HOMER2: variants seen among roughly 807,000 people sequenced by gnomAD.
HOMER2 encodes the protein homer protein homolog 2.
Under a neutral mutation model 47.0 loss-of-function variants are expected in HOMER2, and 27 were observed. The ratio of observed to expected loss-of-function variants is 0.57; its 90% CI spans 0.42 to 0.79. HOMER2 has a LOEUF of 0.79. HOMER2 is among the 30% of genes least tolerant of loss of function. The pLI is 0.00. For missense variants in HOMER2, 443 were observed against 435.0 expected, an observed-to-expected ratio of 1.02 and a Z score of -0.16; for synonymous variants, 161 against 163.8, an observed-to-expected ratio of 0.98 and a Z score of 0.13.
At chr15:82,907,017 T>A (rs1186633467) in intron 1 of HOMER2, among the ~76,000 whole-genome samples, 2 of 152,048 alleles carry the variant, frequency 1.3e-5, no homozygotes, top group Non-Finnish European at 2.9e-5. Context: ...AATTAATGAA[T>A]CCACTACTAT....
intron 1 of HOMER2, among the ~76,000 whole-genome samples, chr15:82,942,375 A>G (rs2054283948): frequency 6.6e-6 from 1 of 152,226 alleles, no homozygotes; most frequent in South Asian, 2.1e-4. Flanking sequence ...AAAGGAATTC[A>G]GATCCATACG....
At chr15:82,877,281 T>C (rs1479577579) in intron 2 of HOMER2, among the ~76,000 whole-genome samples, 3 of 152,148 alleles carry the variant, frequency 2.0e-5, no homozygotes, top group African/African-American at 7.2e-5. Flanking sequence ...GCGATTCTCC[T>C]GCCTCAGTCT....
rs753150487 is a variant in HOMER2, at chr15:82,849,894, T to G, written c.853A>C (p.Arg285=). The G allele has an allele frequency of 1.2e-6, 2 of 1,613,600 alleles. No homozygotes were observed. Among genetic ancestry groups the G allele is most frequent in the East Asian group, 2.2e-5 (1 of 44,880 alleles). The change falls in exon 9 of 9, where the codon AGA becomes CGA. Residue 285 remains arginine (R), a synonymous_variant. Coordinates refer to ENST00000450735, the MANE Select transcript of HOMER2 (RefSeq NM_004839.4). ...TTGTCTTCCAGGTTTTGATTGTCTC[T>G]CTCTGCCGCCTGGCCAAGCAAAAGG... ...YVSEKLEAAE[R]DNQNLEDKVR...
upstream of HOMER2, among the ~76,000 whole-genome samples, chr15:82,954,411 C>T (rs1357510458): frequency 6.6e-6 from 1 of 151,660 alleles, no homozygotes; most frequent in Admixed American, 6.6e-5. Context: ...GATTCTACTG[C>T]CTCAGCCTCC....
downstream of HOMER2, among the ~76,000 whole-genome samples, chr15:82,957,901 G>A (rs1363645314): frequency 3.9e-5 from 6 of 152,176 alleles, no homozygotes; most frequent in Non-Finnish European, 5.9e-5. Flanking sequence ...GCAGTGGCGC[G>A]ACCTCCACTC....
At chr15:82,890,550 C>A (rs770219248) in intron 2 of HOMER2, among the ~76,000 whole-genome samples, 3 of 152,180 alleles carry the variant, frequency 2.0e-5, no homozygotes, top group African/African-American at 7.2e-5. Flanking sequence ...TACCCTCCCA[C>A]ACCCATCTGA....
chr15:82,860,942 T>C (rs1211126794), intron 4 of HOMER2, among the ~76,000 whole-genome samples: 16 of 78,926 alleles, frequency 2.0e-4, no homozygotes, highest in South Asian at 1.2e-3. Context: ...GTCTCAAAGA[T>C]AGAAGATAGA....
At chr15:82,895,625 C>A (rs2052884077) in intron 1 of HOMER2, among the ~76,000 whole-genome samples, 1 of 152,194 alleles carries the variant, frequency 6.6e-6, no homozygotes, top group Non-Finnish European at 1.5e-5. Context: ...CAAATTATGC[C>A]TCATTGTCAG....
chr15:82,857,313 C>A (rs1169364454), intron 5 of HOMER2, among the ~76,000 whole-genome samples: 1 of 151,478 alleles, frequency 6.6e-6, no homozygotes, highest in Admixed American at 6.6e-5. Flanking sequence ...TAATCTTGGA[C>A]TTTCTAGCCT....
chr15:82,835,983 C>G (rs1567002694), downstream of HOMER2: 3 of 152,202 alleles, frequency 2.0e-5, no homozygotes, highest in Admixed American at 1.3e-4. Context: ...TTTGAGATAC[C>G]AGCGAGCTTA....
intron 1 of HOMER2, among the ~76,000 whole-genome samples, chr15:82,925,346 C>T (rs2053828574): frequency 6.6e-6 from 1 of 152,176 alleles, no homozygotes; most frequent in African/African-American, 2.4e-5. Context: ...CAGCCAGCCC[C>T]CTGGGTGGCC....
intron 1 of HOMER2, among the ~76,000 whole-genome samples, chr15:82,907,668 G>C (rs1355682687): frequency 2.6e-5 from 4 of 152,116 alleles, no homozygotes; most frequent in Non-Finnish European, 5.9e-5. Flanking sequence ...TCCAAGAAGA[G>C]TAGATTGCAT....
chr15:82,854,825 C>T (rs375039905), intron 5 of HOMER2, 25 bp from the exon 6 acceptor site: 149 of 1,597,556 alleles, frequency 9.3e-5, no homozygotes, highest in Admixed American at 2.8e-4. Flanking sequence ...CGGGCGGTGA[C>T]GACGGGGTGG....
At chr15:82,932,047 C>T (rs568139274) in intron 1 of HOMER2, among the ~76,000 whole-genome samples, 86 of 152,296 alleles carry the variant, frequency 5.6e-4, no homozygotes, top group African/African-American at 1.6e-3. Flanking sequence ...CTTTCTACTA[C>T]GAGATAAAGC....
chr15:82,900,840 C>T (rs73446974), intron 1 of HOMER2, among the ~76,000 whole-genome samples: 6,871 of 152,198 alleles, frequency 0.045, 506 homozygotes, highest in African/African-American at 0.15. Flanking sequence ...TATTTTCTTC[C>T]TGCCCCCAAA....
chr15:82,945,245 T>C (rs943023214), intron 1 of HOMER2, among the ~76,000 whole-genome samples: 11 of 151,402 alleles, frequency 7.3e-5, no homozygotes, highest in Admixed American at 6.6e-4. Context: ...AAAGAGCCTG[T>C]CTTGTTCCAG....
chr15:82,892,438 G>A (rs551001173), intron 2 of HOMER2, among the ~76,000 whole-genome samples: 3 of 152,278 alleles, frequency 2.0e-5, no homozygotes, highest in Non-Finnish European at 4.4e-5. Context: ...ACCACGGGGG[G>A]AAATTAAGAG....
chr15:82,984,915 G>A (rs557156239), intron 1 of HOMER2, among the ~76,000 whole-genome samples: 9 of 152,284 alleles, frequency 5.9e-5, no homozygotes, highest in Admixed American at 1.3e-4. Context: ...TTAATAGGGG[G>A]AAAGACTTGC....
chr15:82,974,263 C>T (rs2151259388), intron 1 of HOMER2, among the ~76,000 whole-genome samples: 1 of 150,104 alleles, frequency 6.7e-6, no homozygotes, highest in Admixed American at 6.6e-5. Flanking sequence ...AATTAGCCAG[C>T]CGTGGTGGCA....
Sources: allele counts gnomAD v4.1 joint callset (sites outside exome capture counted in the v4.1 genomes callset), GRCh38; gene constraint gnomAD v4.1.1; transcripts MANE v1.5; gene names NCBI Gene and HGNC (gene_info 2026-07-23, HGNC 2026-07-21).